Variants in ARNT2 observed in about 807,000 individuals in gnomAD.
ARNT2 encodes ARNT protein 2.
A neutral mutation model predicts 91.7 loss-of-function variants in ARNT2; 36 were observed. The ratio of observed to expected loss-of-function variants is 0.39; its 90% CI spans 0.30 to 0.52. The LOEUF is 0.52. ARNT2 is among the 20% of genes least tolerant of loss of function. The pLI, the probability that ARNT2 is intolerant of heterozygous loss-of-function variation, is 0.72. For synonymous variants in ARNT2, 365 were observed against 347.1 expected (o/e 1.05, Z -0.57); for missense variants, 775 against 939.3 (o/e 0.83, Z 2.29).
chr15:80,418,258 C>T, intron 1 of ARNT2, among the ~76,000 whole-genome samples: 1 of 152,206 alleles, frequency 6.6e-6, no homozygotes, highest in South Asian at 2.1e-4. Flanking sequence ...GGATCATAAG[C>T]TGTCCCTGCT....
At chr15:80,459,541 T>G (rs1896523719) in intron 3 of ARNT2, among the ~76,000 whole-genome samples, 3 of 152,164 alleles carry the variant, frequency 2.0e-5, no homozygotes, top group Admixed American at 2.0e-4. Flanking sequence ...AAATGATGAT[T>G]CCTGGGGCCT....
chr15:80,543,444 A>G lies in ARNT2; in HGVS notation c.878-7755A>G, dbSNP rs114258138. On this transcript the variant is annotated intron_variant, in intron 8 of 18. Coordinates refer to ENST00000303329, the MANE Select transcript of ARNT2 (RefSeq NM_014862.4). Reference sequence around the variant, plus strand: ...ATGAGCTCATTCTCATTTCAAGCTGACAGTATCCCGTGTCATGATGGGATA... The same window carrying G: ...ATGAGCTCATTCTCATTTCAAGCTGGCAGTATCCCGTGTCATGATGGGATA... 5.7e-3 allele frequency among the ~76,000 whole-genome samples: 871 copies of G among 152,332 alleles called. 13 individuals carry two copies. Among genetic ancestry groups the G allele is most frequent in the African/African-American group, 0.019 (804 of 41,570 alleles).
chr15:80,479,493 AG>A (rs969799167), intron 5 of ARNT2, among the ~76,000 whole-genome samples: 3 of 152,298 alleles, frequency 2.0e-5, no homozygotes, highest in Admixed American at 1.3e-4. Flanking sequence ...AGTGCTGGAA[AG>A]GGAGTTGGGA....
At position 80,450,992 on chromosome 15, in the gene ARNT2, C is replaced by T. The variant is rs768912129; in HGVS notation, c.144C>T (p.Ser48=). 28 of 1,613,008 alleles carry T rather than the reference C, an allele frequency of 1.7e-5. No homozygotes were observed. Among genetic ancestry groups the T allele is most frequent in the East Asian group, 2.2e-5 (1 of 44,866 alleles). Residue 48 remains serine, a splice_region_variant and synonymous_variant, in exon 2 of 19, where the codon TCC becomes TCT. Transcript: ENST00000303329. ...AMPARGGKRR[S]GMDFDDEDGE... is the part of the protein sequence containing the mutation. ...CTGCCCGTGGAGGAAAGCGGCGTTCCGGGTAAGCGACCTCAGCGTTTCCAG... is the reference window on the plus strand; with the variant it reads ...CTGCCCGTGGAGGAAAGCGGCGTTCTGGGTAAGCGACCTCAGCGTTTCCAG...
chr15:80,549,944 C>A (rs1898054058), intron 8 of ARNT2, among the ~76,000 whole-genome samples: 1 of 152,144 alleles, frequency 6.6e-6, no homozygotes, highest in Non-Finnish European at 1.5e-5. Context: ...ATTGGAAACA[C>A]CTAAACGTCC....
intron 8 of ARNT2, among the ~76,000 whole-genome samples, chr15:80,527,890 T>C (rs937811254): frequency 2.6e-5 from 4 of 152,276 alleles, no homozygotes; most frequent in Middle Eastern, 3.4e-3. Flanking sequence ...CATCAGATCT[T>C]GGGGAGGGGG....
intron 2 of ARNT2, among the ~76,000 whole-genome samples, chr15:80,452,332 T>A (rs1896407395): frequency 6.6e-6 from 1 of 152,180 alleles, no homozygotes; most frequent in South Asian, 2.1e-4. Context: ...CCACCATCTT[T>A]ACAGCAGAAC....
intron 1 of ARNT2, among the ~76,000 whole-genome samples, chr15:80,413,707 G>C (rs1482234830): frequency 6.6e-6 from 1 of 152,226 alleles, no homozygotes; most frequent in Non-Finnish European, 1.5e-5. Flanking sequence ...GCAATGTCCA[G>C]GGTGGGAGCA....
intron 17 of ARNT2, among the ~76,000 whole-genome samples, chr15:80,589,771 C>A (rs141882243): frequency 5.3e-5 from 8 of 152,210 alleles, no homozygotes; most frequent in African/African-American, 1.4e-4. Context: ...CCAGTCGACA[C>A]GATTCTATGA....
intron 1 of ARNT2, among the ~76,000 whole-genome samples, chr15:80,442,607 T>C (rs1896210056): frequency 6.6e-6 from 1 of 152,232 alleles, no homozygotes; most frequent in African/African-American, 2.4e-5. Context: ...CTCCATGTCT[T>C]AGCTGAGGAG....
chr15:80,542,919 G>A (rs1469190787), intron 8 of ARNT2, among the ~76,000 whole-genome samples: 4 of 151,752 alleles, frequency 2.6e-5, no homozygotes, highest in Non-Finnish European at 5.9e-5. Flanking sequence ...GCAACATGGT[G>A]AAACCCCATC....
rs759913789 is a variant in ARNT2 at position 80,551,112 on chromosome 15, G to A, written c.878-87G>A. ...CATGGCCAACACTCACTGTATTTTC[G>A]ATTGCTTAAATAAAATCGTGGACAC... On this transcript the variant is annotated intron_variant, in intron 8 of 18. Transcript: ENST00000303329. The A allele has an allele frequency of 8.9e-6, 12 of 1,345,674 alleles. No homozygotes were observed. In the East Asian group the frequency reaches 1.6e-4, roughly 18 times the overall value. 83.4% of individuals were successfully genotyped at this position (1,345,674 alleles called of 1,614,324 possible).
chr15:80,409,909 G>A (rs1203871685), intron 1 of ARNT2, among the ~76,000 whole-genome samples: 2 of 152,164 alleles, frequency 1.3e-5, no homozygotes, highest in African/African-American at 4.8e-5. Flanking sequence ...CTGGAGAACA[G>A]GGAGCAAGGG....
intron 5 of ARNT2, among the ~76,000 whole-genome samples, chr15:80,502,144 C>T (rs1431792079): frequency 2.0e-5 from 3 of 152,316 alleles, no homozygotes; most frequent in Non-Finnish European, 4.4e-5. Context: ...AGAATTCTGA[C>T]ATTAGATTCT....
At chr15:80,593,177 T>A (rs1287153178) in intron 18 of ARNT2, among the ~76,000 whole-genome samples, 2 of 152,210 alleles carry the variant, frequency 1.3e-5, no homozygotes, top group Non-Finnish European at 2.9e-5. Flanking sequence ...AAGATAAACA[T>A]GGAAGACAGG....
chr15:80,498,188 C>G (rs2141416355), intron 5 of ARNT2, among the ~76,000 whole-genome samples: 1 of 152,324 alleles, frequency 6.6e-6, no homozygotes, highest in East Asian at 1.9e-4. Context: ...AGTTGCACTC[C>G]CTCCTTCCTG....
chr15:80,468,331 G>A (rs904939986), intron 3 of ARNT2, among the ~76,000 whole-genome samples: 4 of 151,696 alleles, frequency 2.6e-5, no homozygotes, highest in Non-Finnish European at 5.9e-5. Context: ...GCCAGCCACA[G>A]AGGCAGAGAG....
At chr15:80,459,937 G>A (rs1896529887) in intron 3 of ARNT2, among the ~76,000 whole-genome samples, 1 of 152,204 alleles carries the variant, frequency 6.6e-6, no homozygotes, top group Non-Finnish European at 1.5e-5. Context: ...CTCAGCACTG[G>A]GAGAGACGAC....
intron 2 of ARNT2, among the ~76,000 whole-genome samples, chr15:80,452,264 C>T (rs1896405569): frequency 6.6e-6 from 1 of 152,228 alleles, no homozygotes; most frequent in South Asian, 2.1e-4. Context: ...TCCCTGTATT[C>T]AGCACGCTCA....
Sources: gnomAD v4.1 joint callset for allele counts (sites outside exome capture counted in the v4.1 genomes callset) on GRCh38, gnomAD v4.1.1 for gene constraint, MANE v1.5 for transcripts, NCBI Gene and HGNC (gene_info 2026-07-23, HGNC 2026-07-21) for gene names.